GSE1: variants seen among roughly 807,000 people sequenced by gnomAD.
GSE1 encodes genetic suppressor element 1.
GSE1 carries 32 observed loss-of-function variants against 112.6 expected under a neutral mutation model. The observed-to-expected ratio is 0.28, with a 90% CI of 0.21 to 0.38. The LOEUF is 0.38. Ranked by LOEUF, GSE1 falls within the 10% of genes least tolerant of loss-of-function variation. GSE1 has a pLI of 1.00. For missense variants in GSE1, 2,348 were observed against 1,699.2 expected (o/e 1.38, Z -6.71); for synonymous variants, 1,115 against 735.6 (o/e 1.52, Z -8.35).
intron 2 of GSE1, among the ~76,000 whole-genome samples, chr16:85,636,502 C>A (rs566905094): frequency 2.6e-5 from 4 of 152,310 alleles, no homozygotes; most frequent in Middle Eastern, 6.8e-3. Context: ...ACTCAGTGCA[C>A]CTGGTCCCCA....
intron 1 of GSE1, among the ~76,000 whole-genome samples, chr16:85,264,578 C>T (rs1013524164): frequency 2.0e-5 from 3 of 152,162 alleles, no homozygotes; most frequent in Non-Finnish European, 2.9e-5. Flanking sequence ...CCCCCAGGGA[C>T]GAGAGGAAGG....
At chr16:85,642,828 C>T (rs1029335449) in intron 2 of GSE1, among the ~76,000 whole-genome samples, 5 of 152,160 alleles carry the variant, frequency 3.3e-5, no homozygotes, top group African/African-American at 1.2e-4. Context: ...CTTTACCTCT[C>T]CGGGTGCCCT....
chr16:85,524,543 G>A lies in GSE1; in HGVS notation c.2465-109371G>A, dbSNP rs550722399. ...GCAGTCTGCATCTCGGGCTTGCCAC[G>A]TGTGGGAGGGTGAGGGTGGGGTCCA... On this transcript the variant is annotated intron_variant, in intron 2 of 2. Transcript: ENST00000637419. Among the ~76,000 whole-genome samples the A allele has an allele frequency of 1.3e-3, 198 of 152,160 alleles. 1 individual carries two copies. The highest frequency in any genetic ancestry group is 4.4e-3 in the African/African-American group (183 of 41,538).
rs771422574 is a variant in GSE1 at position 85,311,304 on chromosome 16, C to A, written c.2284-46159C>A. On this transcript the variant is annotated intron_variant, in intron 1 of 2. Transcript: ENST00000637419. This position sits in a 1 kb window ranked among gnomAD's most constrained non-coding sequence, Gnocchi z 4.2. ...CATCCTCTCTGCCAGGCAGCGGGCT[C>A]CCTGGACAGGGTGGGCGTCGTTAGA... Among the ~76,000 whole-genome samples, 1 of 152,208 alleles carries A rather than the reference C, an allele frequency of 6.6e-6. No individual in the cohort carries two copies. The highest frequency in any genetic ancestry group is 2.4e-5 in the African/African-American group (1 of 41,456).
At position 85,556,305 on chromosome 16, in the gene GSE1, C is replaced by T. The variant is rs564645685; in HGVS notation, c.-22C>T. On this transcript the variant is annotated 5_prime_UTR_variant, in exon 1 of 3. Coordinates refer to the GSE1 transcript ENST00000635906. The stretch of plus-strand genomic sequence containing the variant: ...TTCCTTCTTCATCCCTCTCTGGCCA[C>T]TATGGAATTCTAATTTGAACCATGT... The T allele has an allele frequency of 1.2e-3, 1,229 of 984,342 alleles. 1 individual carries two copies. The highest frequency in any genetic ancestry group is 1.4e-3 in the Non-Finnish European group (1,181 of 829,050). 61.0% of individuals were successfully genotyped at this position (984,342 alleles called of 1,614,324 possible). A position where few individuals can be genotyped will look rare whatever the true frequency, so the allele number is the denominator to read the frequency against.
chr16:85,636,924 A>AT (rs1027412163), intron 2 of GSE1, among the ~76,000 whole-genome samples: 7 of 147,172 alleles, frequency 4.8e-5, no homozygotes, highest in African/African-American at 1.7e-4. Context: ...CCCCTGTGCT[A>AT]CCCCCCCAGC....
intron 2 of GSE1, among the ~76,000 whole-genome samples, chr16:85,529,594 C>G (rs906064773): frequency 7.2e-5 from 11 of 152,178 alleles, no homozygotes; most frequent in African/African-American, 2.7e-4. Flanking sequence ...TTGCTCTAGC[C>G]CCCCACCCCC....
chr16:85,283,343 C>G (rs2044912955), intron 1 of GSE1: 1 of 152,752 alleles, frequency 6.5e-6, no homozygotes. Context: ...CACTCGGGCT[C>G]TCCGGAGAGT....
chr16:85,633,254 C>T (rs1407226461), intron 1 of GSE1, among the ~76,000 whole-genome samples: 1 of 152,234 alleles, frequency 6.6e-6, no homozygotes, highest in Admixed American at 6.5e-5. Context: ...CCTGTGTGGC[C>T]CCATCTCTGG....
At chr16:85,446,088 G>T (rs181357665) in intron 2 of GSE1, among the ~76,000 whole-genome samples, 133 of 152,330 alleles carry the variant, frequency 8.7e-4, no homozygotes, top group Non-Finnish European at 1.7e-3. Flanking sequence ...AGCGCCATGA[G>T]CAGCCTGATT....
chr16:85,413,033 G>C (rs1052035612), intron 2 of GSE1, among the ~76,000 whole-genome samples: 5 of 152,220 alleles, frequency 3.3e-5, no homozygotes, highest in Non-Finnish European at 7.3e-5. Flanking sequence ...CTGGCTTCTG[G>C]AAGGTTCCGT....
chr16:85,298,853 G>T (rs958416317), intron 1 of GSE1, among the ~76,000 whole-genome samples: 5 of 152,262 alleles, frequency 3.3e-5, no homozygotes, highest in African/African-American at 1.2e-4. Flanking sequence ...GAACTTTCGG[G>T]AGTGGGTGTG....
chr16:85,569,390 T>A lies in GSE1; in HGVS notation c.37+13027T>A, dbSNP rs149702726. On this transcript the variant is annotated intron_variant, in intron 1 of 2. Transcript: ENST00000635906. Reference sequence around the variant, plus strand: ...GGGGGCCAAGTGGTCGGATGTGAATTCTTGCTCCGCCTTGAGTCCTTGTGT... The same window carrying A: ...GGGGGCCAAGTGGTCGGATGTGAATACTTGCTCCGCCTTGAGTCCTTGTGT... Among the ~76,000 whole-genome samples the A allele has an allele frequency of 2.0e-3, 310 of 152,360 alleles. 1 individual carries two copies. The highest frequency in any genetic ancestry group is 3.4e-3 in the Non-Finnish European group (232 of 68,034).
At chr16:85,412,905 C>G (rs1017039798) in intron 2 of GSE1, among the ~76,000 whole-genome samples, 10 of 152,206 alleles carry the variant, frequency 6.6e-5, no homozygotes, top group African/African-American at 2.4e-4. Flanking sequence ...GGGCCGTGAT[C>G]CAGCCCACCC....
intron 1 of GSE1, among the ~76,000 whole-genome samples, chr16:85,213,771 C>CAA (rs1160254630): frequency 6.6e-6 from 1 of 152,220 alleles, no homozygotes; most frequent in African/African-American, 2.4e-5. Context: ...AGCCGATTCT[C>CAA]AAAGAGTGAA....
chr16:85,653,024 C>G (rs1376682614), intron 3 of GSE1, among the ~76,000 whole-genome samples: 3 of 151,282 alleles, frequency 2.0e-5, no homozygotes, highest in Non-Finnish European at 2.9e-5. Flanking sequence ...GGCCATGGCT[C>G]TCAGACACCC....
At chr16:85,326,972 G>A (rs978047265) in intron 1 of GSE1, among the ~76,000 whole-genome samples, 5 of 152,306 alleles carry the variant, frequency 3.3e-5, no homozygotes, top group South Asian at 2.1e-4. Flanking sequence ...CATAAGGCTC[G>A]GCAGGGAGGG....
At chr16:85,180,090 T>C (rs574753804) in intron 1 of GSE1, among the ~76,000 whole-genome samples, 48 of 152,324 alleles carry the variant, frequency 3.2e-4, no homozygotes, top group South Asian at 6.2e-4. Flanking sequence ...GGCTCTCAGG[T>C]TCCCTGCCTG....
intron 2 of GSE1, among the ~76,000 whole-genome samples, chr16:85,520,187 C>T (rs1339163185): frequency 2.6e-5 from 4 of 152,130 alleles, no homozygotes; most frequent in Admixed American, 1.3e-4. Flanking sequence ...CTGGATGGTG[C>T]CCTCTCGCTG....
Sources: gnomAD v4.1 joint callset for allele counts (sites outside exome capture counted in the v4.1 genomes callset) on GRCh38, gnomAD v4.1.1 for gene constraint, Gnocchi (gnomAD v3.1) non-coding constraint, MANE v1.5 for transcripts, NCBI Gene and HGNC (gene_info 2026-07-23, HGNC 2026-07-21) for gene names.